The following RASEF variants were observed in gnomAD, a reference collection of about 807,000 sequenced individuals.
RASEF encodes RAS and EF-hand domain containing, also known as ras and EF-hand domain-containing protein.
Under a neutral mutation model 90.1 loss-of-function variants are expected in RASEF, and 68 were observed. That is an observed-to-expected ratio of 0.75 (90% CI 0.62 to 0.92). RASEF has a LOEUF of 0.92. RASEF is among the 40% of genes least tolerant of loss of function. The pLI, the probability that RASEF is intolerant of heterozygous loss-of-function variation, is 0.00. For synonymous variants in RASEF, 331 were observed against 345.2 expected, an observed-to-expected ratio of 0.96 and a Z score of 0.46; for missense variants, 949 against 937.2, an observed-to-expected ratio of 1.01 and a Z score of -0.16.
chr9:83,020,385 T>C lies in RASEF; in HGVS notation c.669+1951A>G, dbSNP rs370579257. 1.6e-4 allele frequency among the ~76,000 whole-genome samples: 24 copies of C among 152,168 alleles called. No homozygotes were observed. The East Asian group carries it at 4.3e-3, about 27-fold the overall frequency. ...AACCCTGGGGAGCCGAGGGGAGCCA[T>C]GTGGAATGGAAGGAAATGAGGGAAA... On this transcript the variant is annotated intron_variant, in intron 3 of 16. Transcript: ENST00000376447.
intron 10 of RASEF, 70 bp downstream of exon 10, chr9:83,000,826 A>C: frequency 7.6e-7 from 1 of 1,317,258 alleles, no homozygotes; most frequent in Non-Finnish European, 1.1e-6. Context: ...CATGACAGAT[A>C]GAAGGCAAAT....
chr9:83,000,217 TG>T lies in RASEF; in HGVS notation c.1674del (p.Met559Ter). Reference protein sequence around the residue: ...GDAAVGKSSFLMRLCKNEFRE... With the variant: ...GDAAVGKSSFXMRLCKNEFRE... Reference sequence around the variant, plus strand: ...CGAAATTCATTCTTGCAAAGTCTCATGAGGAAACTAGACTTCCCCACTGCAG... The same window carrying T: ...CGAAATTCATTCTTGCAAAGTCTCATAGGAAACTAGACTTCCCCACTGCAG... On this transcript the variant is annotated frameshift_variant, in exon 12 of 17. Coordinates refer to ENST00000376447, the MANE Select transcript of RASEF (RefSeq NM_152573.4). LOFTEE classifies it high-confidence loss of function. 1.2e-6 allele frequency: 2 copies of T among 1,614,108 alleles called. No homozygotes were observed. The highest frequency in any genetic ancestry group is 1.7e-6 in the Non-Finnish European group (2 of 1,179,986).
At chr9:83,141,718 G>A in the RASEF span, among the ~76,000 whole-genome samples, 2 of 152,174 alleles carry the variant, frequency 1.3e-5, no homozygotes, top group African/African-American at 4.8e-5. Flanking sequence ...AGATACACGT[G>A]CCCAATGGCA....
the RASEF span, among the ~76,000 whole-genome samples, chr9:83,139,712 TG>T: frequency 6.6e-6 from 1 of 152,144 alleles, no homozygotes; most frequent in Non-Finnish European, 1.5e-5. Context: ...AAATCTGTGT[TG>T]TCCAAGGGTC....
At chr9:83,143,699 C>A in the RASEF span, among the ~76,000 whole-genome samples, 1 of 152,150 alleles carries the variant, frequency 6.6e-6, no homozygotes, top group Non-Finnish European at 1.5e-5. Context: ...CCCTTAGACA[C>A]TGTTGATAAG....
chr9:83,152,940 C>A, the RASEF span, among the ~76,000 whole-genome samples: 183 of 152,266 alleles, frequency 1.2e-3, 1 homozygote, highest in African/African-American at 4.1e-3. Flanking sequence ...TGCACTCAGA[C>A]CAAAATAAAG....
chr9:83,083,224 G>T, the RASEF span, among the ~76,000 whole-genome samples: 1 of 152,080 alleles, frequency 6.6e-6, no homozygotes, highest in Non-Finnish European at 1.5e-5. Flanking sequence ...TCCCAAATTG[G>T]TAAATGGTCT....
intron 16 of RASEF, among the ~76,000 whole-genome samples, chr9:82,989,246 ATATC>A (rs1828770191): frequency 1.4e-5 from 2 of 138,162 alleles, no homozygotes; most frequent in Non-Finnish European, 3.3e-5. Context: ...GTGTGTGTGT[ATATC>A]TTTTTTTAAA....
intron 1 of RASEF, chr9:83,048,811 T>G: frequency 1.1e-6 from 1 of 943,594 alleles, no homozygotes; most frequent in Non-Finnish European, 1.3e-6. Context: ...TTCTCATACT[T>G]GATTAACATG....
chr9:83,060,474 A>G (rs1336003787), intron 1 of RASEF, among the ~76,000 whole-genome samples: 1 of 152,232 alleles, frequency 6.6e-6, no homozygotes, highest in Non-Finnish European at 1.5e-5. Flanking sequence ...CATGAACTAC[A>G]TACTATCCTT....
the RASEF span, among the ~76,000 whole-genome samples, chr9:83,211,397 T>A: frequency 1.3e-5 from 2 of 152,238 alleles, no homozygotes; most frequent in Non-Finnish European, 2.9e-5. Flanking sequence ...TAGCCATGAT[T>A]CTGCTGGGAT....
intron 16 of RASEF, among the ~76,000 whole-genome samples, chr9:82,984,157 G>A (rs1258140966): frequency 6.6e-6 from 1 of 152,160 alleles, no homozygotes. Context: ...TTAGTAGCCA[G>A]ATTTTTAAAA....
chr9:83,193,230 C>T, the RASEF span, among the ~76,000 whole-genome samples: 13 of 151,760 alleles, frequency 8.6e-5, no homozygotes, highest in Non-Finnish European at 1.6e-4. Flanking sequence ...CCTTAACCAT[C>T]ACACTCCTCA....
At chr9:83,206,804 A>G in the RASEF span, among the ~76,000 whole-genome samples, 1 of 152,218 alleles carries the variant, frequency 6.6e-6, no homozygotes, top group Non-Finnish European at 1.5e-5. Context: ...CTCATTTCAT[A>G]CCATAGTTGC....
chr9:83,149,827 T>C, the RASEF span, among the ~76,000 whole-genome samples: 1 of 152,162 alleles, frequency 6.6e-6, no homozygotes. Context: ...ACACCAAATG[T>C]TAGGGATGGG....
chr9:82,999,309 A>T (rs1828980108), intron 12 of RASEF, among the ~76,000 whole-genome samples: 1 of 152,198 alleles, frequency 6.6e-6, no homozygotes, highest in Non-Finnish European at 1.5e-5. Flanking sequence ...CATAATGACA[A>T]AGTGGCAATC....
the RASEF span, among the ~76,000 whole-genome samples, chr9:83,168,267 TC>T: frequency 6.6e-6 from 1 of 152,174 alleles, no homozygotes; most frequent in Non-Finnish European, 1.5e-5. Flanking sequence ...GATATGAGCA[TC>T]TTTTCCTGTG....
At position 82,998,415 on chromosome 9, in the gene RASEF, C is replaced by T. The variant is rs1289627402; in HGVS notation, c.1755G>A (p.Val585=). ...GCTGCAGAACTGTTCGTTCTCCATC[C>T]ACAATGAGGGTTTTCATTTGGAAAT... The part of the protein sequence containing the change: ...GVDFQMKTLI[V]DGERTVLQLW... Residue 585 remains valine, a synonymous_variant, in exon 13 of 17, where the codon GTG becomes GTA. Transcript: ENST00000376447. 1 of 1,613,032 alleles carries T rather than the reference C, an allele frequency of 6.2e-7. No individual in the cohort carries two copies. Among genetic ancestry groups the T allele is most frequent in the Non-Finnish European group, 8.5e-7 (1 of 1,179,032 alleles).
At chr9:83,103,309 A>G in the RASEF span, among the ~76,000 whole-genome samples, 2 of 152,122 alleles carry the variant, frequency 1.3e-5, no homozygotes, top group Non-Finnish European at 2.9e-5. Flanking sequence ...TATCTACCAA[A>G]TTTTTATGAT....
Sources: allele counts gnomAD v4.1 joint callset (sites outside exome capture counted in the v4.1 genomes callset), GRCh38; gene constraint gnomAD v4.1.1; transcripts MANE v1.5; gene names NCBI Gene and HGNC (gene_info 2026-07-23, HGNC 2026-07-21).